Variants in ANKH observed in about 807,000 individuals in gnomAD.
ANKH encodes ANKH inorganic pyrophosphate transport regulator, also known as mineralization regulator ANKH.
ANKH carries 15 observed loss-of-function variants against 49.0 expected under a neutral mutation model. That is an observed-to-expected ratio of 0.31 (90% CI 0.20 to 0.47). ANKH has a LOEUF of 0.47. Ranked by LOEUF, ANKH falls within the 20% of genes least tolerant of loss-of-function variation. The probability of loss-of-function intolerance (pLI) is 1.00; values close to 1 mark genes in which losing one functional copy is unlikely to be tolerated. For synonymous variants in ANKH, 273 were observed against 260.0 expected (o/e 1.05, Z -0.48); for missense variants, 429 against 652.0 (o/e 0.66, Z 3.72).
At chr5:14,723,547 G>C (rs1325146040) in intron 8 of ANKH, among the ~76,000 whole-genome samples, 4 of 152,112 alleles carry the variant, frequency 2.6e-5, no homozygotes, top group African/African-American at 9.7e-5. Context: ...GCTAAGGCGG[G>C]AGGACTGCTT....
intron 1 of ANKH, among the ~76,000 whole-genome samples, chr5:14,829,184 CAAAAAAAAA>C (rs56223225): frequency 0.44 from 47,106 of 106,820 alleles, 7,952 homozygotes; most frequent in Admixed American, 0.48. Flanking sequence ...GACTCTGTCT[CAAAAAAAAA>C]AAAAAAAAAA....
intron 1 of ANKH, among the ~76,000 whole-genome samples, chr5:14,784,522 A>G (rs1174018546): frequency 6.6e-6 from 1 of 152,216 alleles, no homozygotes; most frequent in African/African-American, 2.4e-5. Flanking sequence ...AGTAGGAAAA[A>G]TAATTATCAT....
At chr5:14,871,265 G>A in intron 1 of ANKH, 87 bp downstream of exon 1, 1 of 1,165,608 alleles carries the variant, frequency 8.6e-7, no homozygotes, top group Non-Finnish European at 1.3e-6. Context: ...GAGGGACTCG[G>A]AGCAGGTGAC....
rs1156620485 is a variant in ANKH at position 14,751,229 on chromosome 5, A to G, written c.527T>C (p.Val176Ala). 1 of 1,614,058 alleles carries G rather than the reference A, an allele frequency of 6.2e-7. No homozygotes were observed. Among genetic ancestry groups the G allele is most frequent in the Non-Finnish European group, 8.5e-7 (1 of 1,180,020 alleles). Reference sequence around the variant, plus strand: ...CAGGTGACTGTGAAGCAAAATGGCTACAAAAACAACCTGAGAGAAGGGAGA... The same window carrying G: ...CAGGTGACTGTGAAGCAAAATGGCTGCAAAAACAACCTGAGAGAAGGGAGA... ...ISDVIAQVVFVAILLHSHLEC... is the reference protein window; with the variant it reads ...ISDVIAQVVFAAILLHSHLEC... The change falls in exon 5 of 12, where the codon GTA becomes GCA. Residue 176 changes from valine (V) to alanine (A), a missense_variant. This residue lies in a region of ANKH where 378 missense variants were observed against 615.3 expected (regional missense o/e 0.61). Transcript: ENST00000284268.
At chr5:14,718,410 T>C (rs567654471) in intron 8 of ANKH, among the ~76,000 whole-genome samples, 1 of 149,922 alleles carries the variant, frequency 6.7e-6, no homozygotes, top group East Asian at 2.0e-4. Flanking sequence ...ACAAAGATAA[T>C]ACAGAAAGAG....
chr5:14,793,025 T>A (rs13160993), intron 1 of ANKH, among the ~76,000 whole-genome samples: 22 of 73,652 alleles, frequency 3.0e-4, no homozygotes, highest in Admixed American at 6.3e-4. Flanking sequence ...TATATAAATA[T>A]ATATATATAA....
At position 14,785,097 on chromosome 5, in the gene ANKH, C is replaced by T. The variant is rs1459952809; in HGVS notation, c.97-15906G>A. 2.0e-5 allele frequency among the ~76,000 whole-genome samples: 3 copies of T among 152,182 alleles called. No homozygotes were observed. The South Asian group carries it at 6.2e-4, about 32-fold the overall frequency. On this transcript the variant is annotated intron_variant, in intron 1 of 11. Coordinates refer to ENST00000284268, the MANE Select transcript of ANKH (RefSeq NM_054027.6). ...GTCTGAGAGCAGACAGTGAAGCTCT[C>T]CCCCAAAATATCCACTGCCCAAACA...
Position 14,713,242 on chromosome 5 carries a change from G to GACC in ANKH, c.1266-272_1266-270dup, listed in dbSNP as rs1737307416. ...ACGCTGGGAGCTCCCTGAGCGCAGG[G>GACC]ACCATGTCCTTCTCTTCTGGTTTTC... On this transcript the variant is annotated intron_variant, in intron 10 of 11. Transcript: ENST00000284268. The surrounding 1 kb of genome is among the most constrained non-coding windows in gnomAD (Gnocchi z 4.4). Among the ~76,000 whole-genome samples, 1 of 152,100 alleles carries GACC rather than the reference G, an allele frequency of 6.6e-6. No homozygotes were observed. The highest frequency in any genetic ancestry group is 2.4e-5 in the African/African-American group (1 of 41,412).
chr5:14,739,661 T>C (rs967877519), intron 8 of ANKH, among the ~76,000 whole-genome samples: 1 of 152,232 alleles, frequency 6.6e-6, no homozygotes, highest in African/African-American at 2.4e-5. Context: ...TCCTACTCTC[T>C]GGGAACAGTG....
Position 14,871,519 on chromosome 5 carries a change from CGGGG to C in ANKH, c.-76_-73del. ...GACTCTGCGGGGAGGCGAGGGGCGACGGGGCGACGGGGCGAGCGGGGCGCGGGCC... is the reference window on the plus strand; with the variant it reads ...GACTCTGCGGGGAGGCGAGGGGCGACCGACGGGGCGAGCGGGGCGCGGGCC... On this transcript the variant is annotated 5_prime_UTR_variant, in exon 1 of 12. Coordinates refer to ENST00000284268, the MANE Select transcript of ANKH (RefSeq NM_054027.6). The C allele has an allele frequency of 2.9e-6, 1 of 343,252 alleles. No homozygotes were observed. The highest frequency in any genetic ancestry group is 4.1e-6 in the Non-Finnish European group (1 of 241,504). The allele number at this position is 343,252 out of a possible 1,614,324, so 21.3% of individuals were successfully genotyped here. A position where few individuals can be genotyped will look rare whatever the true frequency, so the allele number is the denominator to read the frequency against.
chr5:14,769,296 C>T, intron 1 of ANKH, 105 bp from the exon 2 acceptor site: 1 of 949,626 alleles, frequency 1.1e-6, no homozygotes, highest in South Asian at 1.4e-5. Flanking sequence ...TATAGAAACA[C>T]TAAGTAGCTT....
chr5:14,780,942 G>A (rs922075138), intron 1 of ANKH, among the ~76,000 whole-genome samples: 2 of 152,150 alleles, frequency 1.3e-5, no homozygotes, highest in Non-Finnish European at 2.9e-5. Flanking sequence ...ACCCTAAGTC[G>A]TCAGAAAATG....
At chr5:14,766,917 T>C (rs561826813) in intron 2 of ANKH, among the ~76,000 whole-genome samples, 3 of 152,368 alleles carry the variant, frequency 2.0e-5, no homozygotes, top group East Asian at 1.9e-4. Flanking sequence ...GTTTTATCTA[T>C]GTCAGTGTTC....
At chr5:14,744,731 T>C (rs1257484626) in intron 7 of ANKH, among the ~76,000 whole-genome samples, 1 of 152,172 alleles carries the variant, frequency 6.6e-6, no homozygotes, top group Non-Finnish European at 1.5e-5. Flanking sequence ...GGCTGTAAGG[T>C]GTGGTGGGGG....
intron 8 of ANKH, among the ~76,000 whole-genome samples, chr5:14,721,804 C>G (rs1211133052): frequency 6.6e-6 from 1 of 151,998 alleles, no homozygotes; most frequent in Non-Finnish European, 1.5e-5. Flanking sequence ...GTGGCAGGCG[C>G]CTGTAGTCCC....
At chr5:14,711,469 C>T (rs1316941888) in intron 11 of ANKH, among the ~76,000 whole-genome samples, 159 bp from the exon 12 acceptor site, 1 of 152,180 alleles carries the variant, frequency 6.6e-6, no homozygotes, top group Non-Finnish European at 1.5e-5. Context: ...CATCTTAGCT[C>T]AGTGTGTTCC....
chr5:14,842,793 C>T (rs534262832), intron 1 of ANKH, among the ~76,000 whole-genome samples: 3 of 152,284 alleles, frequency 2.0e-5, no homozygotes, highest in South Asian at 2.1e-4. Context: ...TGGGTGCTCA[C>T]GAGCCATGCA....
intron 1 of ANKH, among the ~76,000 whole-genome samples, chr5:14,858,629 T>C (rs1426517787): frequency 6.6e-6 from 1 of 151,464 alleles, no homozygotes; most frequent in African/African-American, 2.4e-5. Context: ...GGCAGGAAAA[T>C]CGCTTAAACA....
At chr5:14,788,471 A>T (rs756999530) in intron 1 of ANKH, among the ~76,000 whole-genome samples, 1 of 152,222 alleles carries the variant, frequency 6.6e-6, no homozygotes, top group African/African-American at 2.4e-5. Context: ...TGGCCATCAC[A>T]TCGTGTACAT....
Sources: allele counts gnomAD v4.1 joint callset (sites outside exome capture counted in the v4.1 genomes callset), GRCh38; gene constraint gnomAD v4.1.1; regional missense constraint gnomAD v4.1.1; non-coding constraint Gnocchi (gnomAD v3.1); transcripts MANE v1.5; gene names NCBI Gene and HGNC (gene_info 2026-07-23, HGNC 2026-07-21).